The following SPNS3 variants were observed in gnomAD, a reference collection of about 807,000 sequenced individuals.
SPNS3 encodes the protein protein spinster homolog 3.
In SPNS3, 51 loss-of-function variants were observed where a neutral mutation model predicts 54.4. That is an observed-to-expected ratio of 0.94 (90% CI 0.75 to 1.18). SPNS3 has a LOEUF of 1.18. Ranked by LOEUF, SPNS3 falls within the 50% of genes most tolerant of loss-of-function variation. The pLI is 0.00. For synonymous variants in SPNS3, 309 were observed against 294.7 expected (o/e 1.05, Z -0.50); for missense variants, 669 against 677.4 (o/e 0.99, Z 0.14).
chr17:4,435,947 C>T (rs1970708028), intron 1 of SPNS3, among the ~76,000 whole-genome samples: 1 of 152,168 alleles, frequency 6.6e-6, no homozygotes, highest in Non-Finnish European at 1.5e-5. Context: ...AAGACAACAA[C>T]AATAACAACA....
intron 2 of SPNS3, 46 bp downstream of exon 2, chr17:4,439,769 T>TG: frequency 6.5e-7 from 1 of 1,549,610 alleles, no homozygotes; most frequent in Non-Finnish European, 8.8e-7. Flanking sequence ...GGGTTCATGC[T>TG]GGGGTGGGCT....
Position 4,434,092 on chromosome 17 carries a change from G to C in SPNS3, c.125G>C (p.Trp42Ser). ...ITPTSWSLPPWRAYVAAAVLC... is the reference protein window; with the variant it reads ...ITPTSWSLPPSRAYVAAAVLC... ...CCCACCTCCTGGAGCCTGCCCCCGT[G>C]GAGGGCCTACGTGGCTGCCGCCGTC... Residue 42 changes from tryptophan to serine, a missense_variant, in exon 1 of 12, where the codon TGG (tryptophan) becomes TCG (serine). Trp to Ser is a radical substitution (Grantham distance 177). Coordinates refer to ENST00000355530, the MANE Select transcript of SPNS3 (RefSeq NM_182538.5). 6.2e-7 allele frequency: 1 copy of C among 1,612,358 alleles called. No homozygotes were observed.
chr17:4,475,491 G>A (rs1280346412), intron 8 of SPNS3, among the ~76,000 whole-genome samples: 1 of 152,222 alleles, frequency 6.6e-6, no homozygotes, highest in African/African-American at 2.4e-5. Context: ...GAGTGAGGGT[G>A]AGGAAGGCAT....
chr17:4,480,522 G>A (rs747171561), intron 9 of SPNS3, among the ~76,000 whole-genome samples: 7 of 152,212 alleles, frequency 4.6e-5, no homozygotes, highest in Non-Finnish European at 8.8e-5. Flanking sequence ...TGCCCCCCAC[G>A]GCGCAGCTCC....
intron 8 of SPNS3, among the ~76,000 whole-genome samples, chr17:4,454,151 G>A (rs1249406704): frequency 6.6e-6 from 1 of 152,208 alleles, no homozygotes; most frequent in South Asian, 2.1e-4. Flanking sequence ...CTCAGCACCT[G>A]TTTGGGTCCC....
intron 5 of SPNS3, among the ~76,000 whole-genome samples, chr17:4,447,490 G>A (rs1186623081): frequency 6.6e-6 from 1 of 152,236 alleles, no homozygotes; most frequent in African/African-American, 2.4e-5. Context: ...GGAGGGTGCT[G>A]AGCTCAGCCC....
At chr17:4,485,787 T>C (rs1972296849) in intron 9 of SPNS3, among the ~76,000 whole-genome samples, 1 of 152,214 alleles carries the variant, frequency 6.6e-6, no homozygotes, top group Non-Finnish European at 1.5e-5. Flanking sequence ...CCCAGGGGCC[T>C]TGAGGTTCCT....
intron 2 of SPNS3, among the ~76,000 whole-genome samples, chr17:4,441,350 C>T (rs1357525907): frequency 1.3e-5 from 2 of 151,998 alleles, no homozygotes; most frequent in East Asian, 3.9e-4. Flanking sequence ...TAGTGAGACC[C>T]TATTCTCCAC....
At chr17:4,454,188 G>T (rs942698053) in intron 8 of SPNS3, among the ~76,000 whole-genome samples, 4 of 152,228 alleles carry the variant, frequency 2.6e-5, no homozygotes, top group African/African-American at 9.6e-5. Flanking sequence ...TATGGGGCCT[G>T]TCCACAGACA....
intron 8 of SPNS3, among the ~76,000 whole-genome samples, chr17:4,457,429 G>A (rs1025043603): frequency 3.9e-5 from 6 of 152,196 alleles, no homozygotes; most frequent in Non-Finnish European, 8.8e-5. Flanking sequence ...CAACTTGGCC[G>A]TGACGCCTCC....
intron 7 of SPNS3, 113 bp downstream of exon 7, chr17:4,449,500 T>C (rs893543903): frequency 7.7e-7 from 1 of 1,306,344 alleles, no homozygotes; most frequent in Admixed American, 3.0e-5. Context: ...CATTTGGTGC[T>C]GTGTGAAGAC....
intron 2 of SPNS3, among the ~76,000 whole-genome samples, chr17:4,443,259 T>C (rs1253554597): frequency 1.3e-5 from 2 of 152,050 alleles, no homozygotes; most frequent in African/African-American, 2.4e-5. Flanking sequence ...TTAGTAGAGA[T>C]GGGATTTTAC....
Position 4,478,637 on chromosome 17 carries a change from G to A in SPNS3, c.1179G>A (p.Leu393=). ...CNWAVVADIL[L]SVVVPRCRGT... ...GGGCAGTGGTTGCCGACATCCTGCT[G>A]GTAGGTGTGGGAGTCGGGGTGGTGG... The change falls in exon 9 of 12, where the codon CTG becomes CTA. Residue 393 remains leucine, a splice_region_variant and synonymous_variant. Coordinates refer to ENST00000355530, the MANE Select transcript of SPNS3 (RefSeq NM_182538.5). 6.3e-7 allele frequency: 1 copy of A among 1,585,568 alleles called. No homozygotes were observed.
In SPNS3 at chr17:4,445,141, C is replaced by T; in HGVS notation, c.375C>T (p.Gly125=). Reference sequence around the variant, plus strand: ...GTATCTTGCTGTGGTCAGGAGCTGGCCTCTCTAGCTCCTTCATCTCCCCCC... The same window carrying T: ...GTATCTTGCTGTGGTCAGGAGCTGGTCTCTCTAGCTCCTTCATCTCCCCCC... ...SFGILLWSGA[G]LSSSFISPRY... The change falls in exon 3 of 12, where the codon GGC becomes GGT. Residue 125 remains glycine (G), a synonymous_variant. Coordinates refer to ENST00000355530, the MANE Select transcript of SPNS3 (RefSeq NM_182538.5). 4 of 1,614,016 alleles carry T rather than the reference C, an allele frequency of 2.5e-6. No individual in the cohort carries two copies. Among genetic ancestry groups the T allele is most frequent in the Non-Finnish European group, 3.4e-6 (4 of 1,179,900 alleles).
intron 2 of SPNS3, among the ~76,000 whole-genome samples, chr17:4,440,221 C>T (rs753050400): frequency 2.6e-5 from 4 of 152,202 alleles, no homozygotes; most frequent in African/African-American, 7.2e-5. Flanking sequence ...AGCAGCCACA[C>T]GTCCCATCGC....
chr17:4,435,440 CAA>C (rs759364661), intron 1 of SPNS3, among the ~76,000 whole-genome samples: 6,909 of 68,312 alleles, frequency 0.1, 188 homozygotes, highest in East Asian at 0.2. Context: ...GGCTCTGTCT[CAA>C]AAAAAAAAAA....
chr17:4,439,340 G>A (rs906269349), intron 1 of SPNS3, among the ~76,000 whole-genome samples: 2 of 152,154 alleles, frequency 1.3e-5, no homozygotes, highest in Non-Finnish European at 2.9e-5. Context: ...GACCATGGCT[G>A]GTCTCAAGCT....
intron 8 of SPNS3, among the ~76,000 whole-genome samples, chr17:4,475,264 G>A (rs1257255085): frequency 6.6e-6 from 1 of 152,204 alleles, no homozygotes; most frequent in Non-Finnish European, 1.5e-5. Flanking sequence ...AGGGTGCAGG[G>A]AGGCCACACA....
rs114845346 is a variant in SPNS3 at position 4,461,000 on chromosome 17, T to A, written c.1113+7795T>A. On this transcript the variant is annotated intron_variant, in intron 8 of 11. Coordinates refer to ENST00000355530, the MANE Select transcript of SPNS3 (RefSeq NM_182538.5). The stretch of plus-strand genomic sequence containing the variant: ...GTTCTGGGCTTCTGTTTGTGGAAAG[T>A]TTTTTGATTGCTAACTCAATATTTA... Among the ~76,000 whole-genome samples, 621 of 152,252 alleles carry A rather than the reference T, an allele frequency of 4.1e-3. 6 individuals are homozygous for A. The highest frequency in any genetic ancestry group is 0.014 in the African/African-American group (584 of 41,538).
Sources: gnomAD v4.1 joint callset for allele counts (sites outside exome capture counted in the v4.1 genomes callset) on GRCh38, gnomAD v4.1.1 for gene constraint, MANE v1.5 for transcripts, NCBI Gene and HGNC (gene_info 2026-07-23, HGNC 2026-07-21) for gene names.